The following CDH13 variants were observed in gnomAD, a reference collection of about 807,000 sequenced individuals.
The protein encoded by CDH13 is cadherin-13.
CDH13 carries 24 observed loss-of-function variants against 63.8 expected under a neutral mutation model. The ratio of observed to expected loss-of-function variants is 0.38; its 90% CI spans 0.27 to 0.53. CDH13 has a LOEUF of 0.53. Ranked by LOEUF, CDH13 falls within the 20% of genes least tolerant of loss-of-function variation. The probability of loss-of-function intolerance (pLI) is 0.85; values close to 1 mark genes in which losing one functional copy is unlikely to be tolerated. For synonymous variants in CDH13, 503 were observed against 355.3 expected, an observed-to-expected ratio of 1.42 and a Z score of -4.67; for missense variants, 1,049 against 903.1, an observed-to-expected ratio of 1.16 and a Z score of -2.07.
intron 6 of CDH13, among the ~76,000 whole-genome samples, chr16:83,379,980 A>T (rs2091532920): frequency 7.0e-6 from 1 of 141,862 alleles, no homozygotes; most frequent in South Asian, 2.3e-4. Context: ...GTCCCAGAAC[A>T]AGGAAGCCAA....
At position 82,778,613 on chromosome 16, in the gene CDH13, C is replaced by G. The variant is rs78667175; in HGVS notation, c.46-79749C>G. Among the ~76,000 whole-genome samples, 899 of 143,838 alleles carry G rather than the reference C, an allele frequency of 6.3e-3. 25 individuals carry two copies. The highest frequency in any genetic ancestry group is 0.049 in the Admixed American group (706 of 14,458). The allele number at this position is 143,838 out of a possible 152,430, so 94.4% of individuals were successfully genotyped here. A position where few individuals can be genotyped will look rare whatever the true frequency, so the allele number is the denominator to read the frequency against. On this transcript the variant is annotated intron_variant, in intron 1 of 13. Coordinates refer to ENST00000567109, the MANE Select transcript of CDH13 (RefSeq NM_001257.5). ...AAAAAAGGTCTGCTTTATCTATTCTCACTACACAGCATTTATTAGATATGG... is the reference window on the plus strand; with the variant it reads ...AAAAAAGGTCTGCTTTATCTATTCTGACTACACAGCATTTATTAGATATGG...
At chr16:83,379,934 T>TACAG (rs367543331) in intron 6 of CDH13, among the ~76,000 whole-genome samples, 1 of 86,676 alleles carries the variant, frequency 1.2e-5, no homozygotes, top group Non-Finnish European at 2.5e-5. Flanking sequence ...TATATATATA[T>TACAG]ATATAGAGAG....
intron 1 of CDH13, among the ~76,000 whole-genome samples, chr16:82,678,507 G>A (rs1009354729): frequency 6.6e-6 from 1 of 152,060 alleles, no homozygotes; most frequent in Non-Finnish European, 1.5e-5. Flanking sequence ...AATCCTAGCT[G>A]GTCCTAAGTA....
chr16:83,433,844 A>G (rs1240451352), intron 6 of CDH13, among the ~76,000 whole-genome samples: 1 of 152,190 alleles, frequency 6.6e-6, no homozygotes, highest in African/African-American at 2.4e-5. Flanking sequence ...TATTGGTAGT[A>G]GTTGGTAATG....
At chr16:82,853,327 A>G (rs184802368) in intron 1 of CDH13, among the ~76,000 whole-genome samples, 2 of 152,360 alleles carry the variant, frequency 1.3e-5, no homozygotes, top group Non-Finnish European at 2.9e-5. Flanking sequence ...AACAAAAGTA[A>G]TAATATGTTG....
At chr16:82,803,304 T>C (rs2036964122) in intron 1 of CDH13, among the ~76,000 whole-genome samples, 1 of 152,162 alleles carries the variant, frequency 6.6e-6, no homozygotes, top group South Asian at 2.1e-4. Context: ...GAGGGGCAAT[T>C]ATATATTTTT....
At chr16:82,928,377 T>C (rs1445066011) in intron 2 of CDH13, among the ~76,000 whole-genome samples, 3 of 152,224 alleles carry the variant, frequency 2.0e-5, no homozygotes, top group East Asian at 1.9e-4. Context: ...CATTGAATTA[T>C]AGAAATGATA....
chr16:82,963,243 G>A (rs901298857), intron 2 of CDH13, among the ~76,000 whole-genome samples: 2 of 152,052 alleles, frequency 1.3e-5, no homozygotes, highest in African/African-American at 2.4e-5. Context: ...GCCAGGTGTG[G>A]TGGTGGGCAC....
At chr16:82,790,701 C>A (rs979024817) in intron 1 of CDH13, among the ~76,000 whole-genome samples, 10 of 152,170 alleles carry the variant, frequency 6.6e-5, no homozygotes, top group Admixed American at 1.3e-4. Context: ...AGGAAACTTA[C>A]AATCATAGCA....
chr16:83,686,680 C>G (rs1052045587), intron 10 of CDH13, among the ~76,000 whole-genome samples: 3 of 152,096 alleles, frequency 2.0e-5, no homozygotes, highest in Admixed American at 1.3e-4. Context: ...AAAATAATTT[C>G]AAACATGTGA....
At chr16:82,839,511 C>T (rs1007972628) in intron 1 of CDH13, among the ~76,000 whole-genome samples, 1 of 152,168 alleles carries the variant, frequency 6.6e-6, no homozygotes, top group Non-Finnish European at 1.5e-5. Flanking sequence ...CCCAGTAAAT[C>T]AGGAGGATTA....
chr16:83,455,216 G>A (rs1472419357), intron 6 of CDH13, among the ~76,000 whole-genome samples: 2 of 152,128 alleles, frequency 1.3e-5, no homozygotes. Context: ...TTTCATCAGT[G>A]AACAATACAA....
At chr16:83,530,590 C>T (rs527858679) in intron 7 of CDH13, among the ~76,000 whole-genome samples, 1 of 152,218 alleles carries the variant, frequency 6.6e-6, no homozygotes, top group Admixed American at 6.5e-5. Context: ...AGCACCCAGG[C>T]TTTCACATCA....
chr16:83,766,895 G>C (rs1438686033), intron 11 of CDH13, among the ~76,000 whole-genome samples: 1 of 152,076 alleles, frequency 6.6e-6, no homozygotes, highest in African/African-American at 2.4e-5. Flanking sequence ...GCATTCCCCT[G>C]CTTGCACTCA....
At chr16:83,132,453 CTTT>C (rs566939460) in intron 4 of CDH13, among the ~76,000 whole-genome samples, 2,083 of 92,944 alleles carry the variant, frequency 0.022, 62 homozygotes, top group African/African-American at 0.068. Context: ...ACACCCCCCC[CTTT>C]TTTTTTTTTT....
chr16:83,799,707 C>G lies in CDH13; in HGVS notation c.*4677C>G, dbSNP rs959424686. ...GACTGTTGAGATTTGATAATTTTCA[C>G]AGTCTAATGATAAAATGCTTTCAAA... On this transcript the variant is annotated 3_prime_UTR_variant, in exon 14 of 14. Transcript: ENST00000567109. 6.6e-6 allele frequency: 1 copy of G among 152,224 alleles called. No individual in the cohort carries two copies. Among genetic ancestry groups the G allele is most frequent in the African/African-American group, 2.4e-5 (1 of 41,460 alleles). 9.4% of individuals were successfully genotyped at this position (152,224 alleles called of 1,614,324 possible). A position where few individuals can be genotyped will look rare whatever the true frequency, so the allele number is the denominator to read the frequency against.
chr16:82,862,135 C>T (rs556248794), intron 2 of CDH13, among the ~76,000 whole-genome samples: 2 of 152,288 alleles, frequency 1.3e-5, no homozygotes, highest in East Asian at 1.9e-4. Flanking sequence ...CCTCAAATTG[C>T]CCAGCATGGT....
intron 5 of CDH13, among the ~76,000 whole-genome samples, chr16:83,302,255 C>T (rs191651231): frequency 7.2e-5 from 11 of 152,308 alleles, no homozygotes; most frequent in African/African-American, 2.4e-4. Context: ...CCCGGATATT[C>T]ATCCTTTATT....
intron 2 of CDH13, among the ~76,000 whole-genome samples, chr16:82,882,797 C>G (rs1358952162): frequency 6.6e-6 from 1 of 151,826 alleles, no homozygotes; most frequent in African/African-American, 2.4e-5. Context: ...TTTTACCAAG[C>G]CATTTGGTTT....
Sources: allele counts gnomAD v4.1 joint callset (sites outside exome capture counted in the v4.1 genomes callset), GRCh38; gene constraint gnomAD v4.1.1; transcripts MANE v1.5; gene names NCBI Gene and HGNC (gene_info 2026-07-23, HGNC 2026-07-21).